Variants in CENPF observed in about 807,000 individuals in gnomAD.
The protein encoded by CENPF is centromere protein F, also known as AH antigen.
CENPF carries 214 observed loss-of-function variants against 307.3 expected under a neutral mutation model. That is an observed-to-expected ratio of 0.70 (90% CI 0.62 to 0.78). CENPF has a LOEUF of 0.78. Ranked by LOEUF, CENPF falls within the 30% of genes least tolerant of loss-of-function variation. The probability of loss-of-function intolerance (pLI) is 0.00; values close to 1 mark genes in which losing one functional copy is unlikely to be tolerated. For missense variants in CENPF, 3,401 were observed against 3,483.9 expected (o/e 0.98, Z 0.60); for synonymous variants, 1,259 against 1,270.6 (o/e 0.99, Z 0.19).
At chr1:214,658,510 T>C (rs1480070157) in intron 18 of CENPF, among the ~76,000 whole-genome samples, 2 of 151,858 alleles carry the variant, frequency 1.3e-5, no homozygotes, top group Non-Finnish European at 2.9e-5. Context: ...AATTTTACAA[T>C]AAGGCCTGCT....
Position 214,651,743 on chromosome 1 carries a change from G to A in CENPF, c.8017G>A (p.Glu2673Lys). The A allele has an allele frequency of 6.2e-7, 1 of 1,602,982 alleles. No homozygotes were observed. The highest frequency in any genetic ancestry group is 8.5e-7 in the Non-Finnish European group (1 of 1,177,040). ...QLKELTLENS[E>K]LKKSLDCMHK... ...GAAGGAGCTCACACTAGAAAATAGT[G>A]AATTGAAGAAGAGCCTAGATTGCAT... is the stretch of plus-strand genomic sequence containing the variant. The change falls in exon 15 of 20, where the codon GAA (glutamate) becomes AAA (lysine). Residue 2673 changes from glutamate (E) to lysine (K), a missense_variant. Physicochemically the swap from Glu to Lys is moderately conservative, Grantham distance 56. Transcript: ENST00000366955.
Position 214,641,475 on chromosome 1 carries a change from C to A in CENPF, c.3137C>A (p.Ala1046Glu). ...GATCTTAGTCAAAAATACAAAGCAG[C>A]ACAGGAAAAGAATTCTAAATTAGAA... is the stretch of plus-strand genomic sequence containing the variant. ...YEDLSQKYKA[A>E]QEKNSKLECL... Residue 1046 changes from alanine (A) to glutamate (E), a missense_variant, in exon 12 of 20, where the codon GCA becomes GAA. Physicochemically the swap from Ala to Glu is moderately radical, Grantham distance 107. Coordinates refer to ENST00000366955, the MANE Select transcript of CENPF (RefSeq NM_016343.4). 2.0e-6 allele frequency: 3 copies of A among 1,532,994 alleles called. No homozygotes were observed. The highest frequency in any genetic ancestry group is 2.6e-6 in the Non-Finnish European group (3 of 1,148,584). The allele number at this position is 1,532,994 out of a possible 1,614,324, so 95.0% of individuals were successfully genotyped here.
At position 214,642,456 on chromosome 1, in the gene CENPF, C is replaced by A. The variant is rs1213001587; in HGVS notation, c.4118C>A (p.Pro1373Gln). ...DIPGGEFGEQ[P>Q]NEQHPVSLAP... Reference sequence around the variant, plus strand: ...CCAGGAGGTGAATTTGGTGAACAACCAAATGAACAGCACCCTGTGTCTTTG... The same window carrying A: ...CCAGGAGGTGAATTTGGTGAACAACAAAATGAACAGCACCCTGTGTCTTTG... Residue 1373 changes from proline (P) to glutamine (Q), a missense_variant, in exon 12 of 20, where the codon CCA (proline) becomes CAA (glutamine). By Grantham distance (76) the Pro-to-Gln change is moderately conservative (BLOSUM62 -1). Coordinates refer to ENST00000366955, the MANE Select transcript of CENPF (RefSeq NM_016343.4). 2 of 1,598,846 alleles carry A rather than the reference C, an allele frequency of 1.3e-6. No homozygotes were observed. Among genetic ancestry groups the A allele is most frequent in the African/African-American group, 1.3e-5 (1 of 74,410 alleles).
intron 19 of CENPF, among the ~76,000 whole-genome samples, chr1:214,661,788 G>T (rs553685586): frequency 6.6e-6 from 1 of 152,154 alleles, no homozygotes; most frequent in Admixed American, 6.5e-5. Flanking sequence ...ACTTGTGAGG[G>T]TCATTTTCAC....
At chr1:214,605,946 C>T (rs1657015442) in intron 1 of CENPF, 5 of 1,597,218 alleles carry the variant, frequency 3.1e-6, no homozygotes, top group Non-Finnish European at 4.2e-6. Flanking sequence ...TCGGGGAAGG[C>T]GACGCGCATG....
chr1:214,639,237 A>G (rs1658042110), intron 11 of CENPF, among the ~76,000 whole-genome samples: 1 of 152,192 alleles, frequency 6.6e-6, no homozygotes, highest in South Asian at 2.1e-4. Context: ...GCCAGTATGT[A>G]TAGATGAGTC....
At chr1:214,626,342 C>T (rs971243929) in intron 7 of CENPF, among the ~76,000 whole-genome samples, 2 of 152,056 alleles carry the variant, frequency 1.3e-5, no homozygotes, top group African/African-American at 4.8e-5. Flanking sequence ...ACTATAATGT[C>T]CAGGGTTTTT....
In CENPF at chr1:214,642,973, A is replaced by T. The variant is rs1462573965; in HGVS notation, c.4635A>T (p.Pro1545=). 1 of 1,612,264 alleles carries T rather than the reference A, an allele frequency of 6.2e-7. No individual in the cohort carries two copies. Among genetic ancestry groups the T allele is most frequent in the Non-Finnish European group, 8.5e-7 (1 of 1,179,508 alleles). ...CCAGGAAAGAAACCCCTTCGGCCCC[A>T]GCGAAGGGTGTTGAAGAGCTTGAGT... ...NLTRKETPSA[P]AKGVEELESL... The change falls in exon 12 of 20, where the codon CCA becomes CCT. Residue 1545 remains proline (P), a synonymous_variant. Coordinates refer to ENST00000366955, the MANE Select transcript of CENPF (RefSeq NM_016343.4).
chr1:214,655,106 C>T (rs1339987808), intron 16 of CENPF, 135 bp from the exon 17 acceptor site: 6 of 542,520 alleles, frequency 1.1e-5, no homozygotes, highest in Non-Finnish European at 1.5e-5. Flanking sequence ...TGGTTTTGTG[C>T]ATCTTTAGAT....
chr1:214,603,481 C>T (rs1261787224), intron 1 of CENPF, 160 bp downstream of exon 1: 2 of 152,184 alleles, frequency 1.3e-5, no homozygotes, highest in African/African-American at 2.4e-5. Context: ...CCCCCTCCCA[C>T]CCGACCGAAC....
chr1:214,628,871 G>T (rs1657728845), intron 7 of CENPF, among the ~76,000 whole-genome samples, 175 bp from the exon 8 acceptor site: 1 of 151,850 alleles, frequency 6.6e-6, no homozygotes. Flanking sequence ...TTTTTTTCAT[G>T]GCACAAATTA....
Position 214,646,272 on chromosome 1 carries a change from TTCA to T in CENPF, c.6704_6706del (p.Ser2235del), listed in dbSNP as rs1558186752. ...TGTCAGAACTAGACAAGTTACTCTC[TTCA>T]TTTAAAAGTCTGTTAGAAGAAAAGG... On this transcript the variant is annotated inframe_deletion, in exon 13 of 20. Transcript: ENST00000366955. The T allele has an allele frequency of 1.2e-6, 2 of 1,614,080 alleles. No individual in the cohort carries two copies. Among genetic ancestry groups the T allele is most frequent in the South Asian group, 2.2e-5 (2 of 91,082 alleles).
At chr1:214,632,300 C>T (rs1055967115) in intron 9 of CENPF, among the ~76,000 whole-genome samples, 180 bp from the exon 10 acceptor site, 6 of 152,114 alleles carry the variant, frequency 3.9e-5, no homozygotes, top group African/African-American at 1.4e-4. Flanking sequence ...CGCTGAGTGA[C>T]GTCGCAAGGT....
At chr1:214,630,318 A>G (rs1208229250) in intron 8 of CENPF, among the ~76,000 whole-genome samples, 1 of 152,192 alleles carries the variant, frequency 6.6e-6, no homozygotes, top group East Asian at 1.9e-4. Flanking sequence ...AACTGATAAG[A>G]GTCCTTCCCC....
At chr1:214,625,263 G>C (rs768190278) in intron 7 of CENPF, among the ~76,000 whole-genome samples, 10 of 152,044 alleles carry the variant, frequency 6.6e-5, no homozygotes, top group African/African-American at 2.4e-4. Flanking sequence ...CACCCAGGCT[G>C]GAGTGCAGAG....
chr1:214,658,833 A>AT lies in CENPF; in HGVS notation c.8963-9dup, dbSNP rs575514285. 2,384 of 1,608,228 alleles carry AT rather than the reference A, an allele frequency of 1.5e-3. 7 individuals are homozygous for AT. The highest frequency in any genetic ancestry group is 6.0e-3 in the Middle Eastern group (36 of 6,036). ...ATTGGACCTAGCAGTGCTGACAGTT[A>AT]TTTTTTTTGCCCTTAGGGTTTGCTG... is the stretch of plus-strand genomic sequence containing the variant. On this transcript the variant is annotated splice_polypyrimidine_tract_variant and intron_variant, in intron 18 of 19. Transcript: ENST00000366955.
At chr1:214,656,317 G>A (rs1446479652) in intron 17 of CENPF, among the ~76,000 whole-genome samples, 1 of 152,132 alleles carries the variant, frequency 6.6e-6, no homozygotes, top group African/African-American at 2.4e-5. Flanking sequence ...AGTCTTCCCT[G>A]TTGGAAACAG....
rs1658156257 is a variant in CENPF at position 214,642,566 on chromosome 1, A to C, written c.4228A>C (p.Lys1410Gln). 1 of 1,610,668 alleles carries C rather than the reference A, an allele frequency of 6.2e-7. No individual in the cohort carries two copies. Among genetic ancestry groups the C allele is most frequent in the South Asian group, 1.1e-5 (1 of 90,426 alleles). The change falls in exon 12 of 20, where the codon AAA becomes CAA. Residue 1410 changes from lysine (K) to glutamine (Q), a missense_variant. Lys to Gln is a moderately conservative substitution (Grantham distance 53). Coordinates refer to ENST00000366955, the MANE Select transcript of CENPF (RefSeq NM_016343.4). ...AATGCACTTTGCCGAATTGCAAGAG[A>C]AATTCTTATCTTTACAAAGTGAACA... ...VQMHFAELQE[K>Q]FLSLQSEHKI... is the part of the protein sequence containing the mutation.
chr1:214,647,768 G>A (rs370884086), intron 13 of CENPF, among the ~76,000 whole-genome samples: 2 of 152,168 alleles, frequency 1.3e-5, no homozygotes, highest in African/African-American at 4.8e-5. Flanking sequence ...GCTATAGAGA[G>A]TATAACAGAC....
Sources: allele counts gnomAD v4.1 joint callset (sites outside exome capture counted in the v4.1 genomes callset), GRCh38; gene constraint gnomAD v4.1.1; transcripts MANE v1.5; gene names NCBI Gene and HGNC (gene_info 2026-07-23, HGNC 2026-07-21).